Variants in CRISPLD1 observed in about 807,000 individuals in gnomAD.
CRISPLD1 encodes the protein cysteine-rich secretory protein LCCL domain-containing 1.
Under a neutral mutation model 77.5 loss-of-function variants are expected in CRISPLD1, and 60 were observed. That is an observed-to-expected ratio of 0.77 (90% CI 0.63 to 0.96). The LOEUF is 0.96. Ranked by LOEUF, CRISPLD1 falls within the 40% of genes least tolerant of loss-of-function variation. The probability of loss-of-function intolerance (pLI) is 0.00; values close to 1 mark genes in which losing one functional copy is unlikely to be tolerated. For synonymous variants in CRISPLD1, 195 were observed against 200.1 expected, an observed-to-expected ratio of 0.97 and a Z score of 0.22; for missense variants, 623 against 615.8, an observed-to-expected ratio of 1.01 and a Z score of -0.12.
In CRISPLD1 at chr8:75,020,051, T is replaced by C. The variant is rs1364969348; in HGVS notation, c.1216T>C (p.Phe406Leu). 2 of 1,614,136 alleles carry C rather than the reference T, an allele frequency of 1.2e-6. No homozygotes were observed. The highest frequency in any genetic ancestry group is 1.7e-5 in the Admixed American group (1 of 60,028). ...AACAACTGTGGAACAGCTCTGTCCA[T>C]TTCATAAGCCTGCTTCACATTGCCC... The part of the protein sequence containing the change: ...CETTVEQLCP[F>L]HKPASHCPRV... Residue 406 changes from phenylalanine (F) to leucine (L), a missense_variant, in exon 12 of 15, where the codon TTT becomes CTT. Phe to Leu is a conservative substitution (Grantham distance 22). Coordinates refer to ENST00000262207, the MANE Select transcript of CRISPLD1 (RefSeq NM_031461.6).
intron 2 of CRISPLD1, 78 bp from the exon 3 acceptor site, chr8:75,012,355 A>G (rs1812946613): frequency 3.7e-6 from 3 of 817,270 alleles, no homozygotes; most frequent in Non-Finnish European, 6.3e-6. Context: ...AAGAAAATGT[A>G]AGAACTGCTC....
At chr8:75,002,617 G>T (rs1309699047) in intron 2 of CRISPLD1, among the ~76,000 whole-genome samples, 2 of 151,890 alleles carry the variant, frequency 1.3e-5, no homozygotes, top group Non-Finnish European at 1.5e-5. Context: ...GAAGACAGGT[G>T]CCTGGAAGCA....
chr8:75,020,098 A>C lies in CRISPLD1; in HGVS notation c.1244+19A>C, dbSNP rs766646657. On this transcript the variant is annotated intron_variant, in intron 12 of 14. Coordinates refer to ENST00000262207, the MANE Select transcript of CRISPLD1 (RefSeq NM_031461.6). ...GCCCAAGGTAAACCAGTGTACACAT[A>C]GGGGGCTTTGGCCCTGTGATAACTG... The C allele has an allele frequency of 2.5e-6, 4 of 1,601,556 alleles. No individual in the cohort carries two copies. The highest frequency in any genetic ancestry group is 3.4e-6 in the Non-Finnish European group (4 of 1,168,820).
Position 75,012,958 on chromosome 8 carries a change from A to G in CRISPLD1, c.446A>G (p.Glu149Gly). Residue 149 changes from glutamate (E) to glycine (G), a missense_variant, in exon 4 of 15, where the codon GAA becomes GGA. Physicochemically the swap from Glu to Gly is moderately conservative, Grantham distance 98. Transcript: ENST00000262207. Reference protein sequence around the residue: ...DEVKDFSYPYEHECNPYCPFR... With the variant: ...DEVKDFSYPYGHECNPYCPFR... ...GTGAAAGACTTTAGCTACCCATATG[A>G]ACATGAATGCAACCCATATTGTCCA... is the stretch of plus-strand genomic sequence containing the variant. 6.2e-7 allele frequency: 1 copy of G among 1,612,940 alleles called. No homozygotes were observed. The highest frequency in any genetic ancestry group is 8.5e-7 in the Non-Finnish European group (1 of 1,179,306).
At chr8:75,031,075 A>G (rs961408563) in intron 14 of CRISPLD1, among the ~76,000 whole-genome samples, 1 of 152,068 alleles carries the variant, frequency 6.6e-6, no homozygotes, top group East Asian at 1.9e-4. Context: ...GAAACACACC[A>G]AACACATTCA....
intron 2 of CRISPLD1, among the ~76,000 whole-genome samples, chr8:74,995,286 T>C (rs1237016900): frequency 6.6e-6 from 1 of 152,202 alleles, no homozygotes; most frequent in East Asian, 1.9e-4. Context: ...TGTCAAAGGC[T>C]GCTTATAAAG....
intron 2 of CRISPLD1, among the ~76,000 whole-genome samples, chr8:74,996,515 T>C (rs1812647514): frequency 6.6e-6 from 1 of 151,964 alleles, no homozygotes; most frequent in African/African-American, 2.4e-5. Flanking sequence ...CTTTTCTGAA[T>C]TGGTGAATTA....
intron 2 of CRISPLD1, among the ~76,000 whole-genome samples, chr8:75,005,506 A>G (rs1257179200): frequency 6.6e-6 from 1 of 152,094 alleles, no homozygotes; most frequent in African/African-American, 2.4e-5. Flanking sequence ...CTGTATAATA[A>G]AAGAAGAAGA....
intron 2 of CRISPLD1, among the ~76,000 whole-genome samples, chr8:75,001,906 G>A (rs1812748650): frequency 6.6e-6 from 1 of 152,088 alleles, no homozygotes; most frequent in Admixed American, 6.6e-5. Flanking sequence ...ACTTTTTAAA[G>A]CGAAACATTT....
chr8:75,001,743 AG>A (rs5892478), intron 2 of CRISPLD1, among the ~76,000 whole-genome samples: 29,243 of 152,068 alleles, frequency 0.19, 3,495 homozygotes, highest in East Asian at 0.33. Flanking sequence ...GGAGATATTT[AG>A]GCTTGGTCAG....
chr8:75,030,770 A>G (rs1563405156), intron 14 of CRISPLD1, among the ~76,000 whole-genome samples: 2 of 131,692 alleles, frequency 1.5e-5, no homozygotes, highest in Non-Finnish European at 3.5e-5. Flanking sequence ...GTGTATATGT[A>G]TATGTGTGTG....
At chr8:75,027,081 C>G (rs1354631190) in intron 13 of CRISPLD1, 2 of 152,098 alleles carry the variant, frequency 1.3e-5, no homozygotes, top group African/African-American at 4.8e-5. Context: ...ACCCCTATAA[C>G]TTCATTTTTT....
At chr8:74,992,243 A>T (rs1408138687) in intron 2 of CRISPLD1, among the ~76,000 whole-genome samples, 1 of 152,226 alleles carries the variant, frequency 6.6e-6, no homozygotes, top group Admixed American at 6.5e-5. Context: ...AGAGATATCG[A>T]TGTGGGAAAT....
intron 2 of CRISPLD1, chr8:75,000,250 G>C (rs1469272109): frequency 6.1e-6 from 6 of 985,124 alleles, no homozygotes; most frequent in Non-Finnish European, 7.2e-6. Flanking sequence ...ATCTGAAATA[G>C]TGAATGAATG....
chr8:75,019,804 C>G, intron 10 of CRISPLD1, 66 bp from the exon 11 acceptor site: 1 of 1,280,772 alleles, frequency 7.8e-7, no homozygotes, highest in Non-Finnish European at 1.1e-6. Flanking sequence ...TTGAAAGATA[C>G]CAGAAATGAT....
chr8:75,023,169 A>T (rs979510766), intron 12 of CRISPLD1, among the ~76,000 whole-genome samples: 1 of 152,156 alleles, frequency 6.6e-6, no homozygotes, highest in Admixed American at 6.5e-5. Context: ...ACAAACAAGC[A>T]AAAAACTTCC....
In CRISPLD1 at chr8:75,016,661, C is replaced by T; in HGVS notation, c.824C>T (p.Ser275Leu). The T allele has an allele frequency of 6.2e-7, 1 of 1,613,224 alleles. No individual in the cohort carries two copies. Among genetic ancestry groups the T allele is most frequent in the Non-Finnish European group, 8.5e-7 (1 of 1,179,478 alleles). Residue 275 changes from serine to leucine, a missense_variant, in exon 7 of 15, where the codon TCA (serine) becomes TTA (leucine). Coordinates refer to ENST00000262207, the MANE Select transcript of CRISPLD1 (RefSeq NM_031461.6). ...CATGACACCCATGTCCGGACAAGAT[C>T]AGATGATAGTAGCAGAAATGAAGTC... ...QVHDTHVRTR[S>L]DDSSRNEVIS...
intron 2 of CRISPLD1, among the ~76,000 whole-genome samples, chr8:75,002,009 C>T (rs1812750970): frequency 6.6e-6 from 1 of 152,022 alleles, no homozygotes; most frequent in Non-Finnish European, 1.5e-5. Flanking sequence ...ACCTGAACTT[C>T]AGGGGTACTT....
intron 12 of CRISPLD1, among the ~76,000 whole-genome samples, chr8:75,021,794 A>G (rs1813140550): frequency 6.6e-6 from 1 of 152,184 alleles, no homozygotes; most frequent in Admixed American, 6.5e-5. Flanking sequence ...AAGCTGGTAA[A>G]TTTTAGCATC....
Sources: allele counts gnomAD v4.1 joint callset (sites outside exome capture counted in the v4.1 genomes callset), GRCh38; gene constraint gnomAD v4.1.1; transcripts MANE v1.5; gene names NCBI Gene and HGNC (gene_info 2026-07-23, HGNC 2026-07-21).